GCC2: variants seen among roughly 807,000 people sequenced by gnomAD.
GCC2 encodes the protein GRIP and coiled-coil domain-containing protein 2.
GCC2 carries 120 observed loss-of-function variants against 210.6 expected under a neutral mutation model. The ratio of observed to expected loss-of-function variants is 0.57; its 90% confidence interval spans 0.49 to 0.66. The LOEUF (loss-of-function observed/expected upper bound fraction) is 0.66, where lower values mean the gene tolerates loss of function less well. Ranked by LOEUF, GCC2 falls within the 30% of genes least tolerant of loss-of-function variation. The pLI, the probability that GCC2 is intolerant of heterozygous loss-of-function variation, is 0.00. For synonymous variants in GCC2, 703 were observed against 652.7 expected, an observed-to-expected ratio of 1.08 and a Z score of -1.17; for missense variants, 1,868 against 1,871.9, an observed-to-expected ratio of 1.00 and a Z score of 0.04.
intron 4 of GCC2, among the ~76,000 whole-genome samples, chr2:108,465,508 C>T (rs1680834496): frequency 6.6e-6 from 1 of 152,044 alleles, no homozygotes; most frequent in African/African-American, 2.4e-5. Context: ...CCCCTTCCAC[C>T]CTCCCTCTTT....
intron 4 of GCC2, among the ~76,000 whole-genome samples, chr2:108,456,332 T>TG (rs1680278378): frequency 6.6e-6 from 1 of 152,180 alleles, no homozygotes; most frequent in South Asian, 2.1e-4. Flanking sequence ...TACCTACACT[T>TG]CCACCAACAG....
intron 9 of GCC2, among the ~76,000 whole-genome samples, 156 bp from the exon 10 acceptor site, chr2:108,481,541 T>C (rs1681849187): frequency 6.6e-6 from 1 of 152,214 alleles, no homozygotes; most frequent in Non-Finnish European, 1.5e-5. Context: ...AATGTGCTAG[T>C]TTTATTACCT....
chr2:108,454,158 T>G (rs1040642805), intron 4 of GCC2, among the ~76,000 whole-genome samples: 4 of 152,076 alleles, frequency 2.6e-5, no homozygotes, highest in Admixed American at 1.3e-4. Context: ...GCCTGGCTAA[T>G]TTTTTGTATT....
rs147267352 is a variant in GCC2, at chr2:108,471,700, G to C, written c.2371G>C (p.Ala791Pro). The C allele has an allele frequency of 6.2e-7, 1 of 1,613,418 alleles. No individual in the cohort carries two copies. The highest frequency in any genetic ancestry group is 8.5e-7 in the Non-Finnish European group (1 of 1,179,760). Residue 791 changes from alanine to proline, a missense_variant, in exon 6 of 23, where the codon GCA becomes CCA. Coordinates refer to ENST00000309863, the MANE Select transcript of GCC2 (RefSeq NM_181453.4). ...NVLQAVGESL[A>P]KINEEKCNLA... ...CCTACAGGCAGTCGGTGAATCCTTG[G>C]CAAAAATAAATGAGGAAAAATGCAA... is the stretch of plus-strand genomic sequence containing the variant.
At chr2:108,502,865 G>A (rs1054675840) in intron 22 of GCC2, among the ~76,000 whole-genome samples, 3 of 151,168 alleles carry the variant, frequency 2.0e-5, no homozygotes, top group Non-Finnish European at 2.9e-5. Context: ...AGAGGTTGCA[G>A]TGAGCTGAGA....
At chr2:108,489,666 TATA>T (rs1682311987) in intron 17 of GCC2, among the ~76,000 whole-genome samples, 169 bp from the exon 18 acceptor site, 2 of 125,706 alleles carry the variant, frequency 1.6e-5, no homozygotes, top group Non-Finnish European at 1.8e-5. Flanking sequence ...TAAATCTGGC[TATA>T]ATATCTTTTT....
intron 4 of GCC2, among the ~76,000 whole-genome samples, chr2:108,458,397 T>C (rs1276708721): frequency 7.3e-6 from 1 of 137,688 alleles, no homozygotes; most frequent in Non-Finnish European, 1.6e-5. Flanking sequence ...TTTTTTTTGC[T>C]GTGTCCTTGT....
At chr2:108,452,538 A>G (rs1679999591) in intron 4 of GCC2, 72 bp downstream of exon 4, 4 of 904,204 alleles carry the variant, frequency 4.4e-6, no homozygotes, top group Non-Finnish European at 7.3e-6. Flanking sequence ...GCTAGAGGCT[A>G]TCTGGCTTTC....
rs199762770 is a variant in GCC2 at position 108,487,675 on chromosome 2, G to A, written c.3931-24G>A. On this transcript the variant is annotated intron_variant, in intron 16 of 22. Transcript: ENST00000309863. ...AAGGACCCTGTTACAGTAGAAAAAC[G>A]TTTCTCTCTTTTAAATGTTATAGGC... 31 of 1,583,840 alleles carry A rather than the reference G, an allele frequency of 2.0e-5. No homozygotes were observed. The East Asian group carries it at 6.3e-4, about 32-fold the overall frequency.
At position 108,452,545 on chromosome 2, in the gene GCC2, T is replaced by G. The variant is rs974151897; in HGVS notation, c.216+79T>G. The G allele has an allele frequency of 3.6e-6, 3 of 842,126 alleles. No homozygotes were observed. The Admixed American group carries it at 5.9e-5, about 17-fold the overall frequency. 52.2% of individuals were successfully genotyped at this position (842,126 alleles called of 1,614,324 possible). A position where few individuals can be genotyped will look rare whatever the true frequency, so the allele number is the denominator to read the frequency against. ...GTCAGTCTGCTAGAGGCTATCTGGCTTTCTGTTTCTGTTCTACTTCCTCTC... is the reference window on the plus strand; with the variant it reads ...GTCAGTCTGCTAGAGGCTATCTGGCGTTCTGTTTCTGTTCTACTTCCTCTC... On this transcript the variant is annotated intron_variant, in intron 4 of 22. Transcript: ENST00000309863.
In GCC2 at chr2:108,449,807, A is replaced by G. The variant is rs1679820054; in HGVS notation, c.63+118A>G. 1.2e-5 allele frequency: 9 copies of G among 722,146 alleles called. No individual in the cohort carries two copies. The South Asian group carries it at 1.5e-4, about 12-fold the overall frequency. The allele number at this position is 722,146 out of a possible 1,614,324, so 44.7% of individuals were successfully genotyped here. ...TTTTTTTTTTAATAGCCTTGCTCCA[A>G]GGGATCTCAATTTTAGTGTGCGCAA... is the stretch of plus-strand genomic sequence containing the variant. On this transcript the variant is annotated intron_variant, in intron 2 of 22. Transcript: ENST00000309863.
intron 9 of GCC2, among the ~76,000 whole-genome samples, chr2:108,479,442 AC>A (rs1210431778): frequency 6.6e-6 from 1 of 152,136 alleles, no homozygotes; most frequent in African/African-American, 2.4e-5. Flanking sequence ...GGAGTTTGAG[AC>A]CAGCCTGGGC....
chr2:108,467,361 A>G (rs76429344), intron 4 of GCC2, among the ~76,000 whole-genome samples: 3,822 of 152,284 alleles, frequency 0.025, 66 homozygotes, highest in African/African-American at 0.033. Context: ...TATTAATCCT[A>G]TATCTACTTT....
At chr2:108,473,312 TAA>T (rs11334213) in intron 7 of GCC2, 530 of 141,646 alleles carry the variant, frequency 3.7e-3, no homozygotes, top group East Asian at 0.014. Context: ...TGTTTTGAGT[TAA>T]AAAAAAAAAA....
chr2:108,499,083 G>A (rs543592861), intron 21 of GCC2, among the ~76,000 whole-genome samples: 1 of 33,080 alleles, frequency 3.0e-5, no homozygotes, highest in African/African-American at 9.1e-5. Context: ...TCCTCTCCTC[G>A]TCAGTGATAC....
In GCC2 at chr2:108,472,084, C is replaced by T. The variant is rs1222443730; in HGVS notation, c.2755C>T (p.Arg919Ter). ...GCCACTACTAGAACAAAAAGAATTA[C>T]GAGATAGGAGAGCAGAGTTGATACT... The part of the protein sequence containing the change: ...LKPLLEQKEL[R>*]DRRAELILLK... The change falls in exon 6 of 23, where the codon CGA becomes TGA. Residue 919 changes from arginine (R) to a stop codon, truncating the protein, a stop_gained. Transcript: ENST00000309863. LOFTEE classifies it high-confidence loss of function. 1.3e-6 allele frequency: 2 copies of T among 1,561,954 alleles called. No individual in the cohort carries two copies. Among genetic ancestry groups the T allele is most frequent in the South Asian group, 1.2e-5 (1 of 80,986 alleles).
intron 7 of GCC2, among the ~76,000 whole-genome samples, chr2:108,474,279 T>C (rs931813963): frequency 6.6e-6 from 1 of 152,038 alleles, no homozygotes; most frequent in Non-Finnish European, 1.5e-5. Context: ...ACACAGGAAA[T>C]TGAGAAGGAA....
chr2:108,459,114 A>G (rs191533969), intron 4 of GCC2, among the ~76,000 whole-genome samples: 819 of 152,296 alleles, frequency 5.4e-3, no homozygotes, highest in Non-Finnish European at 9.0e-3. Context: ...GATACAAAAA[A>G]TCACATAGGT....
At chr2:108,500,353 A>C (rs1682856945) in intron 22 of GCC2, among the ~76,000 whole-genome samples, 1 of 152,056 alleles carries the variant, frequency 6.6e-6, no homozygotes, top group Non-Finnish European at 1.5e-5. Context: ...TCTCTACTAA[A>C]AATACAAAAA....
Sources: allele counts gnomAD v4.1 joint callset (sites outside exome capture counted in the v4.1 genomes callset), GRCh38; gene constraint gnomAD v4.1.1; transcripts MANE v1.5; gene names NCBI Gene and HGNC (gene_info 2026-07-23, HGNC 2026-07-21).